ANO7: variants seen among roughly 807,000 people sequenced by gnomAD.
The protein encoded by ANO7 is anoctamin-7.
A neutral mutation model predicts 115.8 loss-of-function variants in ANO7; 114 were observed. That is an observed-to-expected ratio of 0.98 (90% CI 0.85 to 1.15). The LOEUF is 1.15. Ranked by LOEUF, ANO7 falls within the 50% of genes most tolerant of loss-of-function variation. The probability of loss-of-function intolerance (pLI) is 0.00; values close to 1 mark genes in which losing one functional copy is unlikely to be tolerated. For synonymous variants in ANO7, 550 were observed against 498.2 expected (o/e 1.10, Z -1.38); for missense variants, 1,302 against 1,201.2 (o/e 1.08, Z -1.24).
chr2:241,233,727 C>T, the ANO7 span: 1 of 1,438,752 alleles, frequency 7.0e-7, no homozygotes. The surrounding 1 kb of genome is among the most constrained non-coding windows in gnomAD (Gnocchi z 4.3). Context: ...GGCCCTCGAA[C>T]CCCCATCTAG....
chr2:241,200,415 C>T (rs569994895), intron 6 of ANO7, among the ~76,000 whole-genome samples, 190 bp downstream of exon 6: 2 of 152,380 alleles, frequency 1.3e-5, no homozygotes, highest in South Asian at 2.1e-4. Flanking sequence ...CGGGCTGGGG[C>T]GGTTGTGCTG....
chr2:241,212,036 C>G, intron 15 of ANO7, 58 bp from the exon 16 acceptor site: 1 of 1,420,746 alleles, frequency 7.0e-7, no homozygotes, highest in Non-Finnish European at 9.9e-7. Context: ...GAGAGGGGGC[C>G]CCTAGTTGGA....
At chr2:241,201,403 G>A in intron 7 of ANO7, 48 bp downstream of exon 7, 1 of 1,588,398 alleles carries the variant, frequency 6.3e-7, no homozygotes, top group East Asian at 2.3e-5. Context: ...ACCTGGCTCT[G>A]AGGATCCTGC....
rs935574108 is a variant in ANO7 at position 241,199,088 on chromosome 2, C to T, written c.310-228C>T. On this transcript the variant is annotated intron_variant, in intron 4 of 24. Transcript: ENST00000674324. ...GGTCCCAACAGCATGCTGTCTGCAG[C>T]AAATCTGTTGCTGGGGCCGACTCCC... 5.7e-6 allele frequency: 3 copies of T among 527,556 alleles called. No individual in the cohort carries two copies. The Admixed American group carries it at 9.1e-5, about 16-fold the overall frequency. 32.7% of individuals were successfully genotyped at this position (527,556 alleles called of 1,614,324 possible).
intron 13 of ANO7, 55 bp from the exon 14 acceptor site, chr2:241,210,240 T>A: frequency 6.4e-7 from 1 of 1,563,972 alleles, no homozygotes; most frequent in Non-Finnish European, 8.8e-7. Context: ...GGCCTGAGGG[T>A]GCTGGGGTGC....
intron 3 of ANO7, among the ~76,000 whole-genome samples, chr2:241,192,863 G>T (rs1339228200): frequency 6.6e-6 from 1 of 151,982 alleles, no homozygotes; most frequent in Non-Finnish European, 1.5e-5. Flanking sequence ...GGTCCCCAGA[G>T]AGTCAAATTC....
chr2:241,227,124 G>A (rs1439392023), downstream of ANO7: 1 of 152,266 alleles, frequency 6.6e-6, no homozygotes, highest in Non-Finnish European at 1.5e-5. Context: ...ACCACACCTG[G>A]GTCTCCCTCA....
chr2:241,226,395 C>G (rs563942132), downstream of ANO7, among the ~76,000 whole-genome samples: 1 of 152,024 alleles, frequency 6.6e-6, no homozygotes, highest in East Asian at 1.9e-4. Context: ...TAGGGCCCAA[C>G]AGAACTGCTG....
At chr2:241,214,640 G>A (rs931691154) in intron 17 of ANO7, among the ~76,000 whole-genome samples, 165 bp from the exon 18 acceptor site, 3 of 152,194 alleles carry the variant, frequency 2.0e-5, no homozygotes, top group Non-Finnish European at 2.9e-5. Context: ...CTGTGAGGTC[G>A]GGAGGGAGTG....
At chr2:241,202,053 G>A (rs2068484645) in intron 7 of ANO7, 141 bp from the exon 8 acceptor site, 5 of 668,446 alleles carry the variant, frequency 7.5e-6, no homozygotes, top group Non-Finnish European at 1.3e-5. Flanking sequence ...AAAGTCCCAA[G>A]CCTTTCCATC....
At chr2:241,215,970 C>A (rs2068819776) in intron 18 of ANO7, 123 bp from the exon 19 acceptor site, 1 of 1,272,012 alleles carries the variant, frequency 7.9e-7, no homozygotes, top group South Asian at 1.5e-5. Context: ...GACCCCATCC[C>A]TCCCTGCTGC....
the ANO7 span, chr2:241,239,885 G>A: frequency 2.0e-5 from 32 of 1,612,852 alleles, 1 homozygote; most frequent in South Asian, 7.7e-5. The surrounding 1 kb of genome is among the most constrained non-coding windows in gnomAD (Gnocchi z 4.6). Flanking sequence ...GTCGGCCGCC[G>A]AGGCCCGCTC....
the ANO7 span, chr2:241,234,002 C>A: frequency 1.2e-6 from 2 of 1,611,118 alleles, no homozygotes; most frequent in African/African-American, 2.7e-5. Flanking sequence ...AAAGATTGAG[C>A]TGATCCACCC....
rs144209760 is a variant in ANO7, at chr2:241,214,822, C to A, written c.1746C>A (p.Cys582Ter). The change falls in exon 18 of 25, where the codon TGC (cysteine) becomes TGA (stop). Residue 582 changes from cysteine (C) to a stop codon, truncating the protein, a stop_gained. Transcript: ENST00000674324. LOFTEE classifies it high-confidence loss of function. ...TGCCGTAGTGCGCGGCTGGAGGCTG[C>A]CTGATCGAGCTGGCACAGGAGCTCC... ...VRNEECAAGG[C>*]LIELAQELLV... 81 of 1,611,986 alleles carry A rather than the reference C, an allele frequency of 5.0e-5. No homozygotes were observed. The highest frequency in any genetic ancestry group is 6.6e-5 in the Non-Finnish European group (78 of 1,179,940).
At chr2:241,212,064 G>A (rs1259253291) in intron 15 of ANO7, 30 bp from the exon 16 acceptor site, 2 of 1,602,550 alleles carry the variant, frequency 1.2e-6, no homozygotes, top group African/African-American at 1.3e-5. Context: ...GACTCCCCCA[G>A]GGACTGAGCC....
At chr2:241,226,091 G>A (rs1395815539), downstream of ANO7, among the ~76,000 whole-genome samples, 4 of 151,956 alleles carry the variant, frequency 2.6e-5, no homozygotes, top group South Asian at 2.1e-4. Flanking sequence ...ATCACCCGAC[G>A]TGGAAGCTCC....
At chr2:241,194,255 C>G (rs2068269949) in intron 3 of ANO7, among the ~76,000 whole-genome samples, 1 of 144,148 alleles carries the variant, frequency 6.9e-6, no homozygotes, top group African/African-American at 2.6e-5. Flanking sequence ...AATAGCATTA[C>G]TTGGAAAATT....
chr2:241,221,445 C>A (rs574993332), intron 21 of ANO7, among the ~76,000 whole-genome samples: 23 of 152,056 alleles, frequency 1.5e-4, no homozygotes, highest in Non-Finnish European at 2.5e-4. Flanking sequence ...GTGGTGTGAT[C>A]TGGGCTCACT....
At chr2:241,215,699 C>T (rs868448658) in intron 18 of ANO7, among the ~76,000 whole-genome samples, 3 of 152,226 alleles carry the variant, frequency 2.0e-5, no homozygotes, top group South Asian at 2.1e-4. Flanking sequence ...CTGTGTAGGA[C>T]GAACCCAACA....
Sources: gnomAD v4.1 joint callset for allele counts (sites outside exome capture counted in the v4.1 genomes callset) on GRCh38, gnomAD v4.1.1 for gene constraint, Gnocchi (gnomAD v3.1) non-coding constraint, MANE v1.5 for transcripts, NCBI Gene and HGNC (gene_info 2026-07-23, HGNC 2026-07-21) for gene names.